Variants in TBCK observed in about 807,000 individuals in gnomAD.
TBCK encodes TBC1 domain containing kinase, also known as TBC domain-containing protein kinase-like protein.
In TBCK, 99 loss-of-function variants were observed where a neutral mutation model predicts 113.4. The ratio of observed to expected loss-of-function variants is 0.87; its 90% CI spans 0.74 to 1.03. The LOEUF is 1.03. Ranked by LOEUF, TBCK falls within the 50% of genes least tolerant of loss-of-function variation. The pLI is 0.00. For missense variants in TBCK, 1,045 were observed against 1,061.3 expected (o/e 0.98, Z 0.21); for synonymous variants, 369 against 370.8 (o/e 1.00, Z 0.05).
intron 23 of TBCK, among the ~76,000 whole-genome samples, chr4:106,168,575 C>A (rs1027582727): frequency 2.0e-5 from 3 of 151,760 alleles, no homozygotes; most frequent in Admixed American, 6.6e-5. Flanking sequence ...ATAATGTGAT[C>A]ATATATGTAG....
intron 25 of TBCK, among the ~76,000 whole-genome samples, chr4:106,068,815 C>A (rs531480844): frequency 1.3e-5 from 2 of 152,274 alleles, no homozygotes; most frequent in East Asian, 3.9e-4. Context: ...CTGTTGCTTT[C>A]TGACTTTTTA....
At chr4:106,213,903 C>T (rs1353866985) in intron 19 of TBCK, 1 of 152,898 alleles carries the variant, frequency 6.5e-6, no homozygotes, top group Non-Finnish European at 1.5e-5. Context: ...GTAGGCTCCA[C>T]CTCTGGGGGC....
At chr4:106,138,264 G>A (rs1450996902) in intron 23 of TBCK, among the ~76,000 whole-genome samples, 1 of 140,964 alleles carries the variant, frequency 7.1e-6, no homozygotes, top group Non-Finnish European at 1.6e-5. Context: ...GTTGTTGACT[G>A]AAATGTTGTT....
At chr4:106,112,704 A>G (rs1311955921) in intron 24 of TBCK, among the ~76,000 whole-genome samples, 1 of 152,124 alleles carries the variant, frequency 6.6e-6, no homozygotes, top group Admixed American at 6.6e-5. Flanking sequence ...ATCAACATAC[A>G]CATCCTATTT....
chr4:106,308,576 T>A (rs1767794261), intron 2 of TBCK, among the ~76,000 whole-genome samples, 192 bp downstream of exon 2: 1 of 152,064 alleles, frequency 6.6e-6, no homozygotes, highest in Admixed American at 6.6e-5. Flanking sequence ...GAGTTTGAAT[T>A]TTACCTGGTA....
intron 19 of TBCK, among the ~76,000 whole-genome samples, chr4:106,220,049 T>C (rs1194250437): frequency 6.6e-6 from 1 of 152,220 alleles, no homozygotes; most frequent in Non-Finnish European, 1.5e-5. Context: ...TCAGTACAAG[T>C]AGTCTTCCCT....
At chr4:106,125,390 G>T (rs1167465618) in intron 23 of TBCK, among the ~76,000 whole-genome samples, 1 of 152,056 alleles carries the variant, frequency 6.6e-6, no homozygotes, top group African/African-American at 2.4e-5. Flanking sequence ...TTACTATTCA[G>T]CCATTAAAAA....
At position 106,307,700 on chromosome 4, in the gene TBCK, T is replaced by A. The variant is rs1399416316; in HGVS notation, c.193+1068A>T. ...TACAAATTATTTTATGTTAGAAAAA[T>A]TAAATACATTTCACTGAAATGCATT... On this transcript the variant is annotated intron_variant, in intron 2 of 25. Coordinates refer to ENST00000394708, the MANE Select transcript of TBCK (RefSeq NM_001163435.3). Among the ~76,000 whole-genome samples the A allele has an allele frequency of 3.9e-5, 6 of 152,242 alleles. No homozygotes were observed. The East Asian group carries it at 7.7e-4, about 20-fold the overall frequency.
At chr4:106,212,604 T>A in intron 20 of TBCK, 146 bp downstream of exon 20, 1 of 568,420 alleles carries the variant, frequency 1.8e-6, no homozygotes, top group South Asian at 2.6e-5. Flanking sequence ...AGCCACAAAC[T>A]TACTAATACA....
intron 12 of TBCK, among the ~76,000 whole-genome samples, chr4:106,237,284 T>C (rs1042182784): frequency 7.9e-5 from 12 of 152,106 alleles, no homozygotes; most frequent in African/African-American, 2.7e-4. Context: ...ATTTCTCACA[T>C]CATACTTTGA....
At chr4:106,269,861 T>A (rs1038477423) in intron 3 of TBCK, among the ~76,000 whole-genome samples, 2 of 152,130 alleles carry the variant, frequency 1.3e-5, no homozygotes, top group African/African-American at 4.8e-5. Context: ...AAAATTAACT[T>A]GGTAAAATCA....
intron 12 of TBCK, among the ~76,000 whole-genome samples, chr4:106,239,792 C>G (rs182310263): frequency 6.6e-6 from 1 of 151,802 alleles, no homozygotes; most frequent in African/African-American, 2.4e-5. Flanking sequence ...AGCTAACTCC[C>G]ATGAAACATT....
chr4:106,144,949 G>A (rs1369955148), intron 23 of TBCK, among the ~76,000 whole-genome samples: 1 of 151,520 alleles, frequency 6.6e-6, no homozygotes, highest in Admixed American at 6.6e-5. Flanking sequence ...CTTGAACTGG[G>A]AGGCGGAGGT....
chr4:106,161,977 A>T (rs1228778084), intron 23 of TBCK, among the ~76,000 whole-genome samples: 1 of 152,138 alleles, frequency 6.6e-6, no homozygotes, highest in Non-Finnish European at 1.5e-5. Flanking sequence ...CCAAAGCCTT[A>T]TTTCAGGGTT....
chr4:106,076,137 C>T (rs1157803848), intron 25 of TBCK, among the ~76,000 whole-genome samples: 1 of 152,176 alleles, frequency 6.6e-6, no homozygotes, highest in African/African-American at 2.4e-5. Context: ...TAGGTAGGTG[C>T]CCTGGCAGTG....
At chr4:106,237,546 G>A in intron 12 of TBCK, 3 of 455,402 alleles carry the variant, frequency 6.6e-6, no homozygotes, top group South Asian at 3.1e-5. Flanking sequence ...CTCCTATGGG[G>A]ATTGACATAG....
chr4:106,072,943 C>T (rs1737661657), intron 25 of TBCK, among the ~76,000 whole-genome samples: 1 of 152,162 alleles, frequency 6.6e-6, no homozygotes, highest in African/African-American at 2.4e-5. Context: ...GTTTTCAGCT[C>T]CATCAGGTCA....
chr4:106,175,035 G>A lies in TBCK; in HGVS notation c.2060-3765C>T, dbSNP rs142978300. Among the ~76,000 whole-genome samples the A allele has an allele frequency of 3.0e-3, 451 of 151,578 alleles. 2 individuals carry two copies. The highest frequency in any genetic ancestry group is 7.2e-3 in the Admixed American group (109 of 15,184). On this transcript the variant is annotated intron_variant, in intron 22 of 25. Transcript: ENST00000394708. ...CCAGCTACTTAGGAGGCTGAGACAC[G>A]AGAATTGCTTGAACCTGGGAGGTGA...
chr4:106,122,685 G>T (rs1017168034), intron 23 of TBCK, among the ~76,000 whole-genome samples: 13 of 152,120 alleles, frequency 8.5e-5, no homozygotes, highest in African/African-American at 2.9e-4. Flanking sequence ...CTATCATCAA[G>T]TGGGCTTCAT....
Sources: gnomAD v4.1 joint callset for allele counts (sites outside exome capture counted in the v4.1 genomes callset) on GRCh38, gnomAD v4.1.1 for gene constraint, MANE v1.5 for transcripts, NCBI Gene and HGNC (gene_info 2026-07-23, HGNC 2026-07-21) for gene names.